The following PRKCH variants were observed in gnomAD, a reference collection of about 807,000 sequenced individuals.
PRKCH encodes protein kinase C eta.
PRKCH carries 28 observed loss-of-function variants against 82.5 expected under a neutral mutation model. The observed-to-expected ratio is 0.34, with a 90% confidence interval of 0.25 to 0.47. The LOEUF (loss-of-function observed/expected upper bound fraction) is 0.47. PRKCH is among the 20% of genes least tolerant of loss of function. The probability of loss-of-function intolerance (pLI) is 1.00; values close to 1 mark genes in which losing one functional copy is unlikely to be tolerated. For synonymous variants in PRKCH, 322 were observed against 327.4 expected (o/e 0.98, Z 0.18); for missense variants, 705 against 881.8 (o/e 0.80, Z 2.54).
chr14:61,428,042 T>TATATATAGATAG (rs1295299219), intron 2 of PRKCH, among the ~76,000 whole-genome samples: 6 of 121,892 alleles, frequency 4.9e-5, no homozygotes, highest in African/African-American at 1.9e-4. Flanking sequence ...AATATATATA[T>TATATATAGATAG]ATAGATAGAT....
intron 1 of PRKCH, among the ~76,000 whole-genome samples, chr14:61,270,580 A>G (rs983456570): frequency 2.6e-5 from 4 of 152,146 alleles, no homozygotes; most frequent in African/African-American, 7.2e-5. Flanking sequence ...AAATTATCCA[A>G]ATTTCTTAAT....
intron 1 of PRKCH, among the ~76,000 whole-genome samples, chr14:61,266,551 A>G (rs1566799900): frequency 6.6e-6 from 1 of 152,232 alleles, no homozygotes; most frequent in Non-Finnish European, 1.5e-5. Context: ...CATAAAAAGT[A>G]AAATGCATTG....
At chr14:61,249,763 G>A (rs1015870052) in intron 1 of PRKCH, among the ~76,000 whole-genome samples, 2 of 151,818 alleles carry the variant, frequency 1.3e-5, no homozygotes, top group Non-Finnish European at 2.9e-5. Context: ...TGGGATTACA[G>A]GTGCATGCCA....
intron 1 of PRKCH, chr14:61,306,526 TTG>T (rs2045486738): frequency 6.6e-6 from 1 of 152,234 alleles, no homozygotes; most frequent in South Asian, 2.1e-4. Context: ...GCAGATCACA[TTG>T]TGTTTCCTTT....
intron 3 of PRKCH, 89 bp from the exon 4 acceptor site, chr14:61,445,603 A>G (rs1884182512): frequency 4.5e-6 from 5 of 1,122,536 alleles, no homozygotes; most frequent in Middle Eastern, 4.0e-4. Flanking sequence ...TTCATAAAGG[A>G]GGAGAGGATG....
At chr14:61,496,772 T>C (rs560239572) in intron 10 of PRKCH, among the ~76,000 whole-genome samples, 76 of 152,222 alleles carry the variant, frequency 5.0e-4, no homozygotes, top group Non-Finnish European at 9.4e-4. Context: ...TTCTACGCTT[T>C]TTTTATTTTA....
At chr14:61,202,299 A>G (rs1442967688) in intron 1 of PRKCH, among the ~76,000 whole-genome samples, 1 of 152,208 alleles carries the variant, frequency 6.6e-6, no homozygotes, top group Non-Finnish European at 1.5e-5. Context: ...TCTCTTTTAC[A>G]TAGTCCCAGG....
At chr14:61,399,649 T>C (rs1881493363) in intron 2 of PRKCH, among the ~76,000 whole-genome samples, 1 of 152,358 alleles carries the variant, frequency 6.6e-6, no homozygotes, top group South Asian at 2.1e-4. Context: ...CATAACATTT[T>C]GCAGTTGCGA....
At chr14:61,203,733 T>C (rs1016791013) in intron 1 of PRKCH, among the ~76,000 whole-genome samples, 1 of 152,174 alleles carries the variant, frequency 6.6e-6, no homozygotes, top group Middle Eastern at 3.4e-3. Context: ...CCCAGCACTT[T>C]GGAAGGCTGA....
At chr14:61,449,883 TCTCTCTCTCTCTC>T (rs1884408259) in intron 5 of PRKCH, among the ~76,000 whole-genome samples, 2 of 88,228 alleles carry the variant, frequency 2.3e-5, no homozygotes, top group African/African-American at 6.1e-5. Context: ...TCTCTCTCTC[TCTCTCTCTCTCTC>T]TCTCTGTGTG....
chr14:61,208,980 G>A (rs747603819), intron 1 of PRKCH, among the ~76,000 whole-genome samples: 4 of 152,154 alleles, frequency 2.6e-5, no homozygotes, highest in African/African-American at 2.4e-5. Context: ...CCAATGCAGC[G>A]GTGTTGAGAG....
At chr14:61,208,584 G>C (rs2044545297) in intron 1 of PRKCH, among the ~76,000 whole-genome samples, 1 of 152,154 alleles carries the variant, frequency 6.6e-6, no homozygotes, top group Non-Finnish European at 1.5e-5. Flanking sequence ...TTTTAAAGGT[G>C]AAAGTCTTAA....
chr14:61,261,081 A>C (rs1233641153), intron 1 of PRKCH, among the ~76,000 whole-genome samples: 1 of 152,200 alleles, frequency 6.6e-6, no homozygotes, highest in Non-Finnish European at 1.5e-5. Context: ...AATCGGTTCC[A>C]AAAACAATAC....
chr14:61,227,597 A>AATAG (rs1407807251), intron 1 of PRKCH, among the ~76,000 whole-genome samples: 2 of 142,616 alleles, frequency 1.4e-5, no homozygotes, highest in East Asian at 4.2e-4. Context: ...TGTCTCAAAA[A>AATAG]ATAGATAAAT....
intron 1 of PRKCH, among the ~76,000 whole-genome samples, chr14:61,249,370 G>A (rs773872876): frequency 2.1e-4 from 32 of 151,990 alleles, no homozygotes; most frequent in African/African-American, 7.3e-4. Context: ...CAGTCTATCC[G>A]AATGCAAGTT....
intron 1 of PRKCH, among the ~76,000 whole-genome samples, chr14:61,312,441 A>G (rs2045532475): frequency 6.6e-6 from 1 of 152,228 alleles, no homozygotes; most frequent in Non-Finnish European, 1.5e-5. Context: ...AAAGTCTACA[A>G]TGGCTACTCT....
chr14:61,310,636 G>A (rs1342338855), intron 1 of PRKCH, among the ~76,000 whole-genome samples: 3 of 152,214 alleles, frequency 2.0e-5, no homozygotes, highest in African/African-American at 7.2e-5. Flanking sequence ...GATGCAAGCT[G>A]TAGGTAGATC....
At chr14:61,418,178 T>C (rs1014090704) in intron 2 of PRKCH, among the ~76,000 whole-genome samples, 2 of 152,242 alleles carry the variant, frequency 1.3e-5, no homozygotes, top group Non-Finnish European at 2.9e-5. Flanking sequence ...GTAAGTGTAC[T>C]TGTCATGTAG....
intron 5 of PRKCH, among the ~76,000 whole-genome samples, chr14:61,449,898 C>CTG (rs1298907791): frequency 2.0e-3 from 55 of 26,966 alleles, no homozygotes; most frequent in African/African-American, 3.0e-3. Flanking sequence ...CTCTCTCTCT[C>CTG]TCTGTGTGTG....
Sources: gnomAD v4.1 joint callset for allele counts (sites outside exome capture counted in the v4.1 genomes callset) on GRCh38, gnomAD v4.1.1 for gene constraint, MANE v1.5 for transcripts, NCBI Gene and HGNC (gene_info 2026-07-23, HGNC 2026-07-21) for gene names.